Variants in GSE1 observed in about 807,000 individuals in gnomAD.
GSE1 encodes the protein genetic suppressor element 1.
In GSE1, 32 loss-of-function variants were observed where a neutral mutation model predicts 112.6. The ratio of observed to expected loss-of-function variants is 0.28; its 90% CI spans 0.21 to 0.38. The LOEUF (loss-of-function observed/expected upper bound fraction) is 0.38. Ranked by LOEUF, GSE1 falls within the 10% of genes least tolerant of loss-of-function variation. The pLI, the probability that GSE1 is intolerant of heterozygous loss-of-function variation, is 1.00. For missense variants in GSE1, 2,348 were observed against 1,699.2 expected (o/e 1.38, Z -6.71); for synonymous variants, 1,115 against 735.6 (o/e 1.52, Z -8.35).
intron 2 of GSE1, among the ~76,000 whole-genome samples, chr16:85,546,493 C>T (rs2044707281): frequency 6.6e-6 from 1 of 152,202 alleles, no homozygotes; most frequent in Non-Finnish European, 1.5e-5. Context: ...CAAGGACACA[C>T]CCATATAATG....
At chr16:85,241,480 G>A (rs1476941454) in intron 1 of GSE1, among the ~76,000 whole-genome samples, 1 of 152,230 alleles carries the variant, frequency 6.6e-6, no homozygotes, top group East Asian at 1.9e-4. Flanking sequence ...AAATGGGCGG[G>A]TACTGCAAGC....
At chr16:85,650,973 C>T (rs1451577714) in intron 3 of GSE1, among the ~76,000 whole-genome samples, 2 of 151,436 alleles carry the variant, frequency 1.3e-5, no homozygotes, top group South Asian at 2.1e-4. Context: ...AGGGCATGTC[C>T]CGCCTGTCTG....
chr16:85,357,827 G>A (rs902545441), intron 2 of GSE1, among the ~76,000 whole-genome samples: 9 of 152,250 alleles, frequency 5.9e-5, no homozygotes, highest in African/African-American at 2.2e-4. Context: ...ATACTCCTTA[G>A]GGTTCCAAAA....
At chr16:85,650,636 C>G (rs1426312262) in intron 3 of GSE1, among the ~76,000 whole-genome samples, 6 of 152,332 alleles carry the variant, frequency 3.9e-5, no homozygotes, top group Admixed American at 2.0e-4. Flanking sequence ...CCCGCCCCAG[C>G]AGTGTACCAC....
intron 1 of GSE1, among the ~76,000 whole-genome samples, chr16:85,188,839 G>A (rs1318044643): frequency 6.6e-6 from 1 of 151,478 alleles, no homozygotes; most frequent in African/African-American, 2.4e-5. Context: ...AAAAACACAG[G>A]AGTTTACAAA....
At chr16:85,255,370 T>A (rs1906961603) in intron 1 of GSE1, among the ~76,000 whole-genome samples, 1 of 151,616 alleles carries the variant, frequency 6.6e-6, no homozygotes, top group Non-Finnish European at 1.5e-5. Flanking sequence ...CCTCCCAGCC[T>A]CAGTTTCCCC....
In GSE1 at chr16:85,672,656, T is replaced by C. The variant is rs974000559; in HGVS notation, c.*117T>C. 13 of 671,974 alleles carry C rather than the reference T, an allele frequency of 1.9e-5. No homozygotes were observed. The South Asian group carries it at 2.3e-4, about 12-fold the overall frequency. 41.6% of individuals were successfully genotyped at this position (671,974 alleles called of 1,614,324 possible). A position where few individuals can be genotyped will look rare whatever the true frequency, so the allele number is the denominator to read the frequency against. ...AAGCTTACAAAATGAGAATGTGCCA[T>C]GCATGAAGCAAAGGATTCCAGGCTC... is the stretch of plus-strand genomic sequence containing the variant. On this transcript the variant is annotated 3_prime_UTR_variant, in exon 16 of 16. Coordinates refer to ENST00000253458, the MANE Select transcript of GSE1 (RefSeq NM_014615.5).
intron 2 of GSE1, among the ~76,000 whole-genome samples, chr16:85,462,675 GGGGAGGGCGGCGGGGGCGCCGCGGCGC>G (rs1213106967): frequency 1.4e-5 from 2 of 143,006 alleles, no homozygotes; most frequent in Non-Finnish European, 3.1e-5. Context: ...AGCGCGGGCG[GGGGAGGGCGGCGGGGGCGCCGCGGCGC>G]GGGAGGGAGG....
intron 1 of GSE1, among the ~76,000 whole-genome samples, chr16:85,583,762 C>T (rs1030273805): frequency 2.0e-5 from 3 of 152,196 alleles, no homozygotes; most frequent in Non-Finnish European, 4.4e-5. Context: ...CTCACCCGCC[C>T]CCCGTCCTCC....
intron 1 of GSE1, among the ~76,000 whole-genome samples, chr16:85,309,600 G>A (rs561089257): frequency 2.0e-5 from 3 of 152,248 alleles, no homozygotes; most frequent in Non-Finnish European, 2.9e-5. Context: ...CTCGAGGCAC[G>A]TGGCCCACCC....
intron 2 of GSE1, among the ~76,000 whole-genome samples, chr16:85,386,823 A>T (rs2047698730): frequency 6.6e-6 from 1 of 152,018 alleles, no homozygotes; most frequent in Non-Finnish European, 1.5e-5. Flanking sequence ...TTGTTACCAG[A>T]TTTTACCCTA....
chr16:85,325,457 A>AT (rs35534903), intron 1 of GSE1, among the ~76,000 whole-genome samples: 16 of 147,658 alleles, frequency 1.1e-4, no homozygotes, highest in Admixed American at 2.7e-4. Context: ...AAAAAAAAAA[A>AT]TTTTTTTTTT....
At chr16:85,604,312 C>A (rs1156404962) in intron 1 of GSE1, among the ~76,000 whole-genome samples, 1 of 152,212 alleles carries the variant, frequency 6.6e-6, no homozygotes, top group Non-Finnish European at 1.5e-5. Flanking sequence ...CAAGGTTCAT[C>A]TGTGTTGTAG....
In GSE1 at chr16:85,654,459, G is replaced by C; in HGVS notation, c.599+9G>C. On this transcript the variant is annotated intron_variant, in intron 4 of 15. Transcript: ENST00000253458. ...CGCTTCCCGCCACTCAAGTAAGTTG[G>C]TCGGCGGGGACTTCGGTGAGGTGGC... The C allele has an allele frequency of 1.9e-6, 3 of 1,557,298 alleles. No individual in the cohort carries two copies. Among genetic ancestry groups the C allele is most frequent in the Non-Finnish European group, 2.6e-6 (3 of 1,150,590 alleles).
chr16:85,350,565 C>T (rs1157304274), intron 1 of GSE1, among the ~76,000 whole-genome samples: 2 of 152,140 alleles, frequency 1.3e-5, no homozygotes, highest in Non-Finnish European at 2.9e-5. Context: ...CCATCTGCAC[C>T]CAAGGCCAAG....
chr16:85,383,735 G>T (rs1340970170), intron 2 of GSE1, among the ~76,000 whole-genome samples: 1 of 152,138 alleles, frequency 6.6e-6, no homozygotes, highest in African/African-American at 2.4e-5. Context: ...TGGCTGGCTC[G>T]TGAGGGTGGC....
At chr16:85,650,805 C>T (rs1178488177) in intron 3 of GSE1, among the ~76,000 whole-genome samples, 1 of 151,958 alleles carries the variant, frequency 6.6e-6, no homozygotes, top group African/African-American at 2.4e-5. Context: ...TCCCACCCGG[C>T]CCAAAGCTGT....
chr16:85,412,875 G>T (rs977159520), intron 2 of GSE1, among the ~76,000 whole-genome samples: 1 of 152,168 alleles, frequency 6.6e-6, no homozygotes, highest in Non-Finnish European at 1.5e-5. Context: ...CAGGGATGAG[G>T]ACAGGGACAT....
At chr16:85,231,560 T>G (rs1295350912) in intron 1 of GSE1, among the ~76,000 whole-genome samples, 4 of 151,900 alleles carry the variant, frequency 2.6e-5, no homozygotes, top group Non-Finnish European at 5.9e-5. Flanking sequence ...CAGGTGGAAG[T>G]GTAGATGAAT....
Sources: gnomAD v4.1 joint callset for allele counts (sites outside exome capture counted in the v4.1 genomes callset) on GRCh38, gnomAD v4.1.1 for gene constraint, MANE v1.5 for transcripts, NCBI Gene and HGNC (gene_info 2026-07-23, HGNC 2026-07-21) for gene names.